ZNF439: variants seen among roughly 807,000 people sequenced by gnomAD.
The protein encoded by ZNF439 is zinc finger protein 439.
In ZNF439, 40 loss-of-function variants were observed where a neutral mutation model predicts 47.3. The ratio of observed to expected loss-of-function variants is 0.85; its 90% CI spans 0.66 to 1.10. ZNF439 has a LOEUF of 1.10. Among genes scored for constraint, ZNF439 ranks in the 50% least tolerant of loss-of-function variants. The pLI, the probability that ZNF439 is intolerant of heterozygous loss-of-function variation, is 0.00. For missense variants in ZNF439, 556 were observed against 601.1 expected, an observed-to-expected ratio of 0.93 and a Z score of 0.78; for synonymous variants, 171 against 198.8, an observed-to-expected ratio of 0.86 and a Z score of 1.18.
rs141791989 is a variant in ZNF439, at chr19:11,853,745, A to C, written c.63+4815A>C. On this transcript the variant is annotated intron_variant, in intron 1 of 3. Coordinates refer to ENST00000682736, the MANE Select transcript of ZNF439 (RefSeq NM_001348719.2). ...TTTCTGTTTATGCATTAATTGAATG[A>C]ATGTAAGGCCAGGTTGGGCAGCTCT... 4.6e-3 allele frequency among the ~76,000 whole-genome samples: 701 copies of C among 152,304 alleles called. 1 individual carries two copies. Among genetic ancestry groups the C allele is most frequent in the Non-Finnish European group, 7.7e-3 (526 of 68,020 alleles).
chr19:11,868,202 G>T lies in ZNF439; in HGVS notation c.1148G>T (p.Gly383Val). ...SFQRHEKTHSGEKPYKCKQCG... is the reference protein window; with the variant it reads ...SFQRHEKTHSVEKPYKCKQCG... ...CAAAGACATGAAAAAACTCACAGTG[G>T]AGAGAAACCGTATAAATGCAAGCAA... Residue 383 changes from glycine (G) to valine (V), a missense_variant, in exon 4 of 4, where the codon GGA becomes GTA. Physicochemically the swap from Gly to Val is moderately radical, Grantham distance 109. Transcript: ENST00000682736. The T allele has an allele frequency of 6.2e-7, 1 of 1,614,052 alleles. No individual in the cohort carries two copies. Among genetic ancestry groups the T allele is most frequent in the Non-Finnish European group, 8.5e-7 (1 of 1,179,996 alleles).
In ZNF439 at chr19:11,851,766, C is replaced by T. The variant is rs377548195; in HGVS notation, c.63+2836C>T. ...TTGACTTCCCCATCTTGAGCACCTC[C>T]GCCTCCCAAGTAGCTGAGACTATAG... On this transcript the variant is annotated intron_variant, in intron 1 of 3. Coordinates refer to ENST00000682736, the MANE Select transcript of ZNF439 (RefSeq NM_001348719.2). Among the ~76,000 whole-genome samples, 733 of 152,070 alleles carry T rather than the reference C, an allele frequency of 4.8e-3. 4 individuals are homozygous for T. The highest frequency in any genetic ancestry group is 0.014 in the Middle Eastern group (4 of 294).
In ZNF439 at chr19:11,867,677, G is replaced by C; in HGVS notation, c.623G>C (p.Arg208Thr). ...ATTATTTACCATTCAAGCATTCAAAGACACATGGTAGTGCACAGTGGGGAT... is the reference window on the plus strand; with the variant it reads ...ATTATTTACCATTCAAGCATTCAAACACACATGGTAGTGCACAGTGGGGAT... ...KNIIYHSSIQ[R>T]HMVVHSGDGP... The change falls in exon 4 of 4, where the codon AGA becomes ACA. Residue 208 changes from arginine to threonine, a missense_variant. Coordinates refer to ENST00000682736, the MANE Select transcript of ZNF439 (RefSeq NM_001348719.2). The C allele has an allele frequency of 6.2e-7, 1 of 1,614,160 alleles. No homozygotes were observed. Among genetic ancestry groups the C allele is most frequent in the Non-Finnish European group, 8.5e-7 (1 of 1,180,016 alleles).
intron 1 of ZNF439, among the ~76,000 whole-genome samples, chr19:11,864,408 C>T (rs545792255): frequency 6.6e-6 from 1 of 152,220 alleles, no homozygotes; most frequent in African/African-American, 2.4e-5. Context: ...AAGGATTCTC[C>T]CACCTCAGCC....
chr19:11,856,988 CACAG>C (rs750622963), intron 1 of ZNF439: 6 of 152,164 alleles, frequency 3.9e-5, no homozygotes, highest in Admixed American at 2.0e-4. Context: ...TAGGCTGAAT[CACAG>C]ACAATGTTAA....
intron 1 of ZNF439, among the ~76,000 whole-genome samples, chr19:11,861,381 G>A (rs1050271191): frequency 2.0e-5 from 3 of 152,204 alleles, no homozygotes; most frequent in African/African-American, 7.2e-5. Flanking sequence ...GAACTGCCTC[G>A]GGCTGACTCA....
chr19:11,860,210 G>A (rs1213463620), intron 1 of ZNF439, among the ~76,000 whole-genome samples: 1 of 152,124 alleles, frequency 6.6e-6, no homozygotes, highest in African/African-American at 2.4e-5. Flanking sequence ...GGGAGGCCGA[G>A]GCGGGTGGAT....
intron 1 of ZNF439, among the ~76,000 whole-genome samples, chr19:11,864,165 A>G (rs1385115282): frequency 1.3e-5 from 2 of 152,164 alleles, no homozygotes; most frequent in Non-Finnish European, 2.9e-5. Context: ...GTGAAAAATC[A>G]GACTTTGGTA....
At chr19:11,863,248 C>A (rs1738180221) in intron 1 of ZNF439, among the ~76,000 whole-genome samples, 1 of 147,512 alleles carries the variant, frequency 6.8e-6, no homozygotes, top group African/African-American at 2.5e-5. Flanking sequence ...GCAACCTCTG[C>A]CTCCCAGGAT....
At position 11,866,327 on chromosome 19, in the gene ZNF439, T is replaced by C; in HGVS notation, c.186T>C (p.Ser62=). ...TGGAAACTTTCTGGAACCTGACCTC[T>C]ATAGGTAAGGATGACAATATTCCTT... ...VMLETFWNLT[S]IGKKWKDQNI... Residue 62 remains serine (S), a synonymous_variant, in exon 2 of 4, where the codon TCT becomes TCC. Coordinates refer to ENST00000682736, the MANE Select transcript of ZNF439 (RefSeq NM_001348719.2). The C allele has an allele frequency of 1.2e-6, 2 of 1,614,158 alleles. No homozygotes were observed. The highest frequency in any genetic ancestry group is 1.7e-6 in the Non-Finnish European group (2 of 1,180,014).
intron 1 of ZNF439, among the ~76,000 whole-genome samples, chr19:11,862,505 G>T (rs1222158951): frequency 6.6e-6 from 1 of 151,862 alleles, no homozygotes; most frequent in Non-Finnish European, 1.5e-5. Flanking sequence ...GAGGACTTTT[G>T]TGTGGACATC....
In ZNF439 at chr19:11,855,289, C is replaced by T. The variant is rs368536285; in HGVS notation, c.63+6359C>T. Among the ~76,000 whole-genome samples, 10 of 152,252 alleles carry T rather than the reference C, an allele frequency of 6.6e-5. 1 individual carries two copies. The South Asian group carries it at 1.9e-3, about 28-fold the overall frequency. On this transcript the variant is annotated intron_variant, in intron 1 of 3. Coordinates refer to ENST00000682736, the MANE Select transcript of ZNF439 (RefSeq NM_001348719.2). ...GTTAACATAGATTGTTTTCTATGGGCCAAGACTCTGGGTCCATGGAGGGGG... is the reference window on the plus strand; with the variant it reads ...GTTAACATAGATTGTTTTCTATGGGTCAAGACTCTGGGTCCATGGAGGGGG...
chr19:11,868,873 A>G lies in ZNF439; in HGVS notation c.*304A>G. 1 of 422,704 alleles carries G rather than the reference A, an allele frequency of 2.4e-6. No individual in the cohort carries two copies. The highest frequency in any genetic ancestry group is 4.5e-6 in the Non-Finnish European group (1 of 221,890). The allele number at this position is 422,704 out of a possible 1,614,324, so 26.2% of individuals were successfully genotyped here. A position where few individuals can be genotyped will look rare whatever the true frequency, so the allele number is the denominator to read the frequency against. On this transcript the variant is annotated 3_prime_UTR_variant, in exon 4 of 4. Coordinates refer to ENST00000682736, the MANE Select transcript of ZNF439 (RefSeq NM_001348719.2). ...AATTTCTCTTCTTTTCAAATACATG[A>G]AAGTTGCACAGAGGAGAGGCGCCCT...
intron 1 of ZNF439, among the ~76,000 whole-genome samples, chr19:11,864,759 A>G (rs756873475): frequency 1.3e-5 from 2 of 151,644 alleles, no homozygotes; most frequent in Non-Finnish European, 1.5e-5. Flanking sequence ...GATGTTTCAT[A>G]TATGTCGTAG....
intron 1 of ZNF439, among the ~76,000 whole-genome samples, chr19:11,860,720 TA>T (rs1245083109): frequency 6.6e-6 from 1 of 152,084 alleles, no homozygotes; most frequent in Non-Finnish European, 1.5e-5. Context: ...TTAAAGGAGA[TA>T]GAAGGGGGTG....
intron 1 of ZNF439, among the ~76,000 whole-genome samples, chr19:11,852,252 A>G (rs1188475233): frequency 6.6e-6 from 1 of 152,148 alleles, no homozygotes; most frequent in Non-Finnish European, 1.5e-5. Context: ...GAGACCCCCC[A>G]TCTCAATTGT....
intron 1 of ZNF439, among the ~76,000 whole-genome samples, chr19:11,861,729 A>T (rs1050221554): frequency 6.6e-6 from 1 of 152,258 alleles, no homozygotes; most frequent in Admixed American, 6.5e-5. Flanking sequence ...CTGCAAAAGC[A>T]AAATATACCT....
chr19:11,860,655 C>T (rs187293911), intron 1 of ZNF439, among the ~76,000 whole-genome samples: 2 of 152,254 alleles, frequency 1.3e-5, no homozygotes, highest in South Asian at 2.1e-4. Context: ...GTCGGGGGCA[C>T]CTTGCTTCTA....
At position 11,848,883 on chromosome 19, in the gene ZNF439, C is replaced by T. The variant is rs1039187458; in HGVS notation, c.16C>T (p.His6Tyr). 2 of 1,573,014 alleles carry T rather than the reference C, an allele frequency of 1.3e-6. No individual in the cohort carries two copies. The highest frequency in any genetic ancestry group is 1.7e-6 in the Non-Finnish European group (2 of 1,154,344). MPCFT[H>Y]RSCREDPGTS... is the part of the protein sequence containing the mutation. ...CACCTGCGCTATGCCCTGCTTTACTCACAGGAGCTGTAGAGAGGACCCCGG... is the reference window on the plus strand; with the variant it reads ...CACCTGCGCTATGCCCTGCTTTACTTACAGGAGCTGTAGAGAGGACCCCGG... The change falls in exon 1 of 4, where the codon CAC (histidine) becomes TAC (tyrosine). Residue 6 changes from histidine to tyrosine, a missense_variant. Transcript: ENST00000682736.
Sources: gnomAD v4.1 joint callset for allele counts (sites outside exome capture counted in the v4.1 genomes callset) on GRCh38, gnomAD v4.1.1 for gene constraint, MANE v1.5 for transcripts, NCBI Gene and HGNC (gene_info 2026-07-23, HGNC 2026-07-21) for gene names.